FHIT: variants seen among roughly 807,000 people sequenced by gnomAD.
The protein encoded by FHIT is fragile histidine triad diadenosine triphosphatase.
FHIT carries 19 observed loss-of-function variants against 17.9 expected under a neutral mutation model. The observed-to-expected ratio is 1.06, with a 90% CI of 0.74 to 1.56. FHIT has a LOEUF of 1.56. Among genes scored for constraint, FHIT ranks in the 40% most tolerant of loss-of-function variants. The probability of loss-of-function intolerance (pLI) is 0.00; values close to 1 mark genes in which losing one functional copy is unlikely to be tolerated. For synonymous variants in FHIT, 81 were observed against 69.7 expected (o/e 1.16, Z -0.81); for missense variants, 248 against 189.2 (o/e 1.31, Z -1.82).
At chr3:60,346,509 G>A (rs1056999563) in intron 5 of FHIT, among the ~76,000 whole-genome samples, 2 of 152,180 alleles carry the variant, frequency 1.3e-5, no homozygotes, top group Admixed American at 1.3e-4. Context: ...GTGCTCTTCA[G>A]CTCATCTGTG....
chr3:60,260,713 GCATTCTAAGTCACAGA>G (rs1363813917), intron 5 of FHIT, among the ~76,000 whole-genome samples: 1 of 152,000 alleles, frequency 6.6e-6, no homozygotes, highest in Non-Finnish European at 1.5e-5. Flanking sequence ...AGGAGGTTAG[GCATTCTAAGTCACAGA>G]CGAGATAGGA....
chr3:60,763,723 A>G (rs897874973), intron 4 of FHIT, among the ~76,000 whole-genome samples: 3 of 152,342 alleles, frequency 2.0e-5, no homozygotes, highest in Admixed American at 6.5e-5. Flanking sequence ...AAAATGGGGT[A>G]TGCACATTGC....
chr3:60,436,244 T>A (rs2030227457), intron 5 of FHIT, among the ~76,000 whole-genome samples: 1 of 152,008 alleles, frequency 6.6e-6, no homozygotes, highest in Non-Finnish European at 1.5e-5. Flanking sequence ...GATGGGAGAT[T>A]TCACCATGTT....
intron 5 of FHIT, among the ~76,000 whole-genome samples, chr3:60,102,525 C>T (rs1442637947): frequency 6.6e-6 from 1 of 152,096 alleles, no homozygotes. Flanking sequence ...CATTCCTCAG[C>T]ATGTCCAGTC....
In FHIT at chr3:60,816,646, T is replaced by G. The variant is rs544668006; in HGVS notation, c.-18+5273A>C. On this transcript the variant is annotated intron_variant, in intron 4 of 9. Coordinates refer to ENST00000492590, the MANE Select transcript of FHIT (RefSeq NM_002012.4). ...TTGAATTTGGTTTGCTGGTATTATGTTCAGGATTTTTGCCTCTATGTTCAT... is the reference window on the plus strand; with the variant it reads ...TTGAATTTGGTTTGCTGGTATTATGGTCAGGATTTTTGCCTCTATGTTCAT... Among the ~76,000 whole-genome samples, 189 of 152,078 alleles carry G rather than the reference T, an allele frequency of 1.2e-3. 1 individual carries two copies. The highest frequency in any genetic ancestry group is 4.5e-3 in the African/African-American group (186 of 41,520).
intron 5 of FHIT, among the ~76,000 whole-genome samples, chr3:60,185,874 G>C (rs530257008): frequency 4.5e-4 from 68 of 152,224 alleles, no homozygotes; most frequent in African/African-American, 1.4e-3. Flanking sequence ...GTATCATCTT[G>C]TACTAATTTG....
intron 5 of FHIT, among the ~76,000 whole-genome samples, chr3:60,031,619 A>C (rs1446526956): frequency 1.3e-5 from 2 of 152,236 alleles, no homozygotes; most frequent in African/African-American, 2.4e-5. Context: ...AAACAGCACC[A>C]ATGATGGACA....
At chr3:60,608,860 AT>A (rs1445543004) in intron 4 of FHIT, among the ~76,000 whole-genome samples, 1 of 152,276 alleles carries the variant, frequency 6.6e-6, no homozygotes, top group South Asian at 2.1e-4. Flanking sequence ...ATTTCTTCTC[AT>A]TGAGTATTTT....
At chr3:59,932,296 TAA>T (rs1410380986) in intron 7 of FHIT, among the ~76,000 whole-genome samples, 5 of 152,168 alleles carry the variant, frequency 3.3e-5, no homozygotes, top group Non-Finnish European at 7.4e-5. Flanking sequence ...TGGTTTGTTT[TAA>T]AGAGCTCTTC....
intron 2 of FHIT, among the ~76,000 whole-genome samples, chr3:61,146,669 G>A (rs777069873): frequency 5.3e-5 from 8 of 152,094 alleles, no homozygotes; most frequent in Middle Eastern, 3.4e-3. Context: ...GTAATGATCT[G>A]AGCCTTCACA....
At chr3:59,912,748 C>G (rs944807970) in intron 8 of FHIT, among the ~76,000 whole-genome samples, 1 of 152,156 alleles carries the variant, frequency 6.6e-6, no homozygotes, top group Non-Finnish European at 1.5e-5. Context: ...TCTATGAGTT[C>G]CTTAGTTACC....
chr3:60,341,430 G>T (rs917498318), intron 5 of FHIT, among the ~76,000 whole-genome samples: 2 of 152,194 alleles, frequency 1.3e-5, no homozygotes, highest in African/African-American at 4.8e-5. Flanking sequence ...GAAGCCTGGA[G>T]AACCAGGCCC....
intron 5 of FHIT, among the ~76,000 whole-genome samples, chr3:60,250,080 T>C (rs1340391050): frequency 2.0e-5 from 3 of 151,392 alleles, no homozygotes; most frequent in Non-Finnish European, 4.4e-5. Context: ...GAGATCTGGG[T>C]AGGGACATAA....
intron 5 of FHIT, among the ~76,000 whole-genome samples, chr3:60,441,309 A>G (rs976089151): frequency 6.6e-6 from 1 of 152,102 alleles, no homozygotes; most frequent in African/African-American, 2.4e-5. Flanking sequence ...GTTTACTCAC[A>G]TAACTGTACA....
intron 8 of FHIT, among the ~76,000 whole-genome samples, chr3:59,779,368 A>G (rs57271892): frequency 0.038 from 5,728 of 152,228 alleles, 148 homozygotes; most frequent in South Asian, 0.09. Context: ...CTTAACGTAC[A>G]TAAGCCATTC....
chr3:60,350,192 G>GC (rs1711016661), intron 5 of FHIT, among the ~76,000 whole-genome samples: 1 of 152,108 alleles, frequency 6.6e-6, no homozygotes, highest in African/African-American at 2.4e-5. Context: ...GGGAACTGAG[G>GC]GTCCTGGAGA....
intron 4 of FHIT, among the ~76,000 whole-genome samples, chr3:60,619,733 A>G (rs547363163): frequency 6.6e-6 from 1 of 152,262 alleles, no homozygotes; most frequent in South Asian, 2.1e-4. Flanking sequence ...ATAATGTACA[A>G]GAAAGTTCAG....
chr3:60,221,911 C>A (rs990027708), intron 5 of FHIT, among the ~76,000 whole-genome samples: 2 of 151,296 alleles, frequency 1.3e-5, no homozygotes, highest in Non-Finnish European at 2.9e-5. Context: ...GTTGTTTTTT[C>A]AGCATGATTT....
At chr3:61,095,658 A>C (rs941266390) in intron 2 of FHIT, among the ~76,000 whole-genome samples, 2 of 152,128 alleles carry the variant, frequency 1.3e-5, no homozygotes, top group African/African-American at 4.8e-5. Flanking sequence ...TTTTAAAAAA[A>C]AAAATTCATC....
Sources: gnomAD v4.1 joint callset for allele counts (sites outside exome capture counted in the v4.1 genomes callset) on GRCh38, gnomAD v4.1.1 for gene constraint, MANE v1.5 for transcripts, NCBI Gene and HGNC (gene_info 2026-07-23, HGNC 2026-07-21) for gene names.